LINGO2: variants seen among roughly 807,000 people sequenced by gnomAD.
LINGO2 encodes leucine-rich repeat and immunoglobulin-like domain-containing nogo receptor-interacting protein 2.
Under a neutral mutation model 30.6 loss-of-function variants are expected in LINGO2, and 14 were observed. The observed-to-expected ratio is 0.46, with a 90% CI of 0.30 to 0.72. The LOEUF is 0.72. Ranked by LOEUF, LINGO2 falls within the 30% of genes least tolerant of loss-of-function variation. LINGO2 has a pLI of 0.07. For missense variants in LINGO2, 729 were observed against 751.7 expected (o/e 0.97, Z 0.35); for synonymous variants, 317 against 288.5 (o/e 1.10, Z -1.00).
intron 4 of LINGO2, among the ~76,000 whole-genome samples, chr9:28,215,364 T>A (rs1414147493): frequency 6.6e-6 from 1 of 151,694 alleles, no homozygotes; most frequent in Non-Finnish European, 1.5e-5. Flanking sequence ...TATGGGCAGT[T>A]GGCGATGATT....
chr9:28,370,735 C>T (rs886131654), intron 3 of LINGO2, among the ~76,000 whole-genome samples: 2 of 152,136 alleles, frequency 1.3e-5, no homozygotes, highest in South Asian at 4.2e-4. Flanking sequence ...TTCCTATCCT[C>T]CATACCAACC....
intron 1 of LINGO2, among the ~76,000 whole-genome samples, chr9:28,647,285 T>C (rs184366931): frequency 2.0e-5 from 3 of 152,238 alleles, no homozygotes; most frequent in Admixed American, 6.5e-5. Context: ...TAATAACTTA[T>C]TATGACTACT....
At chr9:29,098,375 A>G in the LINGO2 span, among the ~76,000 whole-genome samples, 1 of 152,300 alleles carries the variant, frequency 6.6e-6, no homozygotes, top group Non-Finnish European at 1.5e-5. Flanking sequence ...CAAAAGGCAT[A>G]TAACTAGGCA....
the LINGO2 span, among the ~76,000 whole-genome samples, chr9:28,935,512 T>C: frequency 6.6e-6 from 1 of 152,150 alleles, no homozygotes; most frequent in Non-Finnish European, 1.5e-5. Context: ...ACTAGAAATC[T>C]ATTTTTCATA....
At chr9:28,662,352 T>C (rs1431258096) in intron 1 of LINGO2, among the ~76,000 whole-genome samples, 1 of 152,178 alleles carries the variant, frequency 6.6e-6, no homozygotes, top group Non-Finnish European at 1.5e-5. Flanking sequence ...GAATTGATGC[T>C]TTTTTATTAT....
the LINGO2 span, among the ~76,000 whole-genome samples, chr9:28,806,563 C>T: frequency 6.6e-6 from 1 of 152,098 alleles, no homozygotes; most frequent in Non-Finnish European, 1.5e-5. Context: ...TGAATGCTAA[C>T]CTTATCACCT....
chr9:28,397,505 T>C (rs1357642496), intron 2 of LINGO2, among the ~76,000 whole-genome samples: 6 of 150,888 alleles, frequency 4.0e-5, no homozygotes, highest in African/African-American at 1.5e-4. Flanking sequence ...GAAGACATTT[T>C]ATTGTTAACT....
chr9:28,358,162 T>C (rs1408226966), intron 3 of LINGO2, among the ~76,000 whole-genome samples: 1 of 152,144 alleles, frequency 6.6e-6, no homozygotes, highest in East Asian at 1.9e-4. Flanking sequence ...ATCGAGTTGT[T>C]ACTATGTGTC....
intron 1 of LINGO2, among the ~76,000 whole-genome samples, chr9:28,573,203 C>T (rs186871548): frequency 2.0e-5 from 3 of 152,202 alleles, no homozygotes; most frequent in Admixed American, 2.0e-4. Flanking sequence ...ATGTCAGTCA[C>T]ATAAGTAAAG....
chr9:29,155,394 A>G, the LINGO2 span, among the ~76,000 whole-genome samples: 5 of 152,194 alleles, frequency 3.3e-5, no homozygotes, highest in South Asian at 1.0e-3. Flanking sequence ...TCATTTTTAA[A>G]AAATTACTGT....
chr9:28,572,881 T>A (rs565143443), intron 1 of LINGO2, among the ~76,000 whole-genome samples: 2 of 152,286 alleles, frequency 1.3e-5, no homozygotes, highest in South Asian at 2.1e-4. Context: ...TTGGAGTTCA[T>A]AATTTGAGAT....
chr9:28,639,885 C>T (rs369347486), intron 1 of LINGO2, among the ~76,000 whole-genome samples: 3 of 152,100 alleles, frequency 2.0e-5, no homozygotes, highest in East Asian at 1.9e-4. Context: ...GGTTATTTTG[C>T]TCGTTAGTTG....
At chr9:29,142,426 G>A in the LINGO2 span, among the ~76,000 whole-genome samples, 1 of 151,658 alleles carries the variant, frequency 6.6e-6, no homozygotes, top group East Asian at 1.9e-4. Flanking sequence ...ATATTGAGAA[G>A]TTTTTATTAA....
intron 4 of LINGO2, among the ~76,000 whole-genome samples, chr9:28,202,981 T>C (rs1820289592): frequency 6.6e-6 from 1 of 152,222 alleles, no homozygotes; most frequent in African/African-American, 2.4e-5. Context: ...TTTGGTTCAC[T>C]ACAAATCTTA....
At chr9:28,569,476 C>T (rs1823564269) in intron 1 of LINGO2, among the ~76,000 whole-genome samples, 1 of 151,824 alleles carries the variant, frequency 6.6e-6, no homozygotes, top group South Asian at 2.1e-4. Flanking sequence ...GAAATTCCTT[C>T]ATTAGTGACA....
the LINGO2 span, among the ~76,000 whole-genome samples, chr9:29,012,504 A>G: frequency 4.6e-5 from 7 of 152,306 alleles, no homozygotes; most frequent in Admixed American, 3.9e-4. Context: ...TCTACAGCAG[A>G]ACCGTTCTCA....
At chr9:28,646,001 A>G (rs1330632888) in intron 1 of LINGO2, among the ~76,000 whole-genome samples, 2 of 152,150 alleles carry the variant, frequency 1.3e-5, no homozygotes, top group African/African-American at 4.8e-5. Context: ...TTTTAAATTC[A>G]AAATGATTTT....
the LINGO2 span, among the ~76,000 whole-genome samples, chr9:28,780,461 T>G: frequency 6.7e-4 from 102 of 152,252 alleles, no homozygotes; most frequent in African/African-American, 2.1e-3. Context: ...AGCTTAGCAC[T>G]ATGTGGCTAC....
At chr9:28,564,698 C>T (rs893731481) in intron 1 of LINGO2, among the ~76,000 whole-genome samples, 1 of 152,114 alleles carries the variant, frequency 6.6e-6, no homozygotes, top group Non-Finnish European at 1.5e-5. Flanking sequence ...CTGTTTATAA[C>T]ATTAGACCTA....
Sources: allele counts gnomAD v4.1 joint callset (sites outside exome capture counted in the v4.1 genomes callset), GRCh38; gene constraint gnomAD v4.1.1; transcripts MANE v1.5; gene names NCBI Gene and HGNC (gene_info 2026-07-23, HGNC 2026-07-21).